ZDHHC3: variants seen among roughly 807,000 people sequenced by gnomAD.
The protein encoded by ZDHHC3 is palmitoyltransferase ZDHHC3.
Under a neutral mutation model 30.6 loss-of-function variants are expected in ZDHHC3, and 9 were observed. The ratio of observed to expected loss-of-function variants is 0.29; its 90% CI spans 0.18 to 0.51. ZDHHC3 has a LOEUF of 0.51. Ranked by LOEUF, ZDHHC3 falls within the 20% of genes least tolerant of loss-of-function variation. ZDHHC3 has a pLI of 0.97. For synonymous variants in ZDHHC3, 136 were observed against 140.2 expected, an observed-to-expected ratio of 0.97 and a Z score of 0.21; for missense variants, 246 against 384.2, an observed-to-expected ratio of 0.64 and a Z score of 3.01.
chr3:44,919,164 A>C lies in ZDHHC3; in HGVS notation c.*7525T>G, dbSNP rs1700422854. Reference sequence around the variant, plus strand: ...CTCATAAGATACTTATCAATTACAAAGGGAAAAACAGTACCTTAATAGCAG... The same window carrying C: ...CTCATAAGATACTTATCAATTACAACGGGAAAAACAGTACCTTAATAGCAG... On this transcript the variant is annotated 3_prime_UTR_variant, in exon 7 of 7. Transcript: ENST00000424952. The C allele has an allele frequency of 1.1e-6, 1 of 921,246 alleles. No individual in the cohort carries two copies. The highest frequency in any genetic ancestry group is 1.3e-6 in the Non-Finnish European group (1 of 772,336). 57.1% of individuals were successfully genotyped at this position (921,246 alleles called of 1,614,324 possible).
rs1387597831 is a variant in ZDHHC3, at chr3:44,925,452, ACCT to A, written c.*1234_*1236del. 1.0e-6 allele frequency: 1 copy of A among 985,314 alleles called. No individual in the cohort carries two copies. The highest frequency in any genetic ancestry group is 1.7e-5 in the African/African-American group (1 of 57,232). The allele number at this position is 985,314 out of a possible 1,614,324, so 61.0% of individuals were successfully genotyped here. A position where few individuals can be genotyped will look rare whatever the true frequency, so the allele number is the denominator to read the frequency against. ...TTTTTGCACTTGGAGGGCACTCCCT[ACCT>A]CCTTCACCTCTATCCACCATCACCA... On this transcript the variant is annotated 3_prime_UTR_variant, in exon 7 of 7. Transcript: ENST00000424952.
At chr3:44,951,377 T>C (rs549703806) in intron 2 of ZDHHC3, among the ~76,000 whole-genome samples, 1 of 152,200 alleles carries the variant, frequency 6.6e-6, no homozygotes, top group Non-Finnish European at 1.5e-5. Context: ...TGTGTGTATT[T>C]AGGGGTGGGG....
chr3:44,939,243 G>A (rs977658672), intron 3 of ZDHHC3, among the ~76,000 whole-genome samples: 13 of 152,226 alleles, frequency 8.5e-5, no homozygotes, highest in African/African-American at 3.1e-4. Context: ...AAGTCCATTA[G>A]CCACTCTGCT....
At chr3:44,951,165 G>A (rs1229653389) in intron 2 of ZDHHC3, among the ~76,000 whole-genome samples, 1 of 152,170 alleles carries the variant, frequency 6.6e-6, no homozygotes, top group African/African-American at 2.4e-5. Context: ...AAAATCTATA[G>A]GCTCATAAAA....
intron 1 of ZDHHC3, among the ~76,000 whole-genome samples, chr3:44,966,769 C>A (rs190679796): frequency 1.6e-4 from 24 of 152,254 alleles, no homozygotes; most frequent in Admixed American, 1.4e-3. Context: ...ATTTTATGCC[C>A]ACTTTTTAGA....
intron 3 of ZDHHC3, among the ~76,000 whole-genome samples, chr3:44,938,808 G>A (rs1349402099): frequency 1.3e-5 from 2 of 152,174 alleles, no homozygotes; most frequent in Non-Finnish European, 2.9e-5. Context: ...GAACCTGGAA[G>A]CAAAGACTAC....
At chr3:44,934,559 C>T (rs192228279) in intron 3 of ZDHHC3, among the ~76,000 whole-genome samples, 124 of 120,858 alleles carry the variant, frequency 1.0e-3, no homozygotes, top group East Asian at 5.0e-3. Flanking sequence ...TCTAAGATGA[C>T]ATCCATTTAG....
chr3:44,951,605 C>T (rs1343081929), intron 2 of ZDHHC3, among the ~76,000 whole-genome samples: 1 of 152,206 alleles, frequency 6.6e-6, no homozygotes, highest in Admixed American at 6.5e-5. Flanking sequence ...TCCTGGCCCT[C>T]AGGGCCCCCA....
In ZDHHC3 at chr3:44,919,798, C is replaced by G; in HGVS notation, c.*6891G>C. The stretch of plus-strand genomic sequence containing the variant: ...ACTGACTGAAAGGTACATGGGAACT[C>G]TTTGTACTGTTTTTGTCACATTTTT... On this transcript the variant is annotated 3_prime_UTR_variant, in exon 7 of 7. Coordinates refer to ENST00000424952, the MANE Select transcript of ZDHHC3 (RefSeq NM_001135179.2). 1.2e-6 allele frequency: 1 copy of G among 845,570 alleles called. No homozygotes were observed. The highest frequency in any genetic ancestry group is 5.4e-5 in the South Asian group (1 of 18,436). The allele number at this position is 845,570 out of a possible 1,614,324, so 52.4% of individuals were successfully genotyped here.
chr3:44,938,930 A>G, intron 3 of ZDHHC3, among the ~76,000 whole-genome samples: 1 of 152,228 alleles, frequency 6.6e-6, no homozygotes, highest in East Asian at 1.9e-4. Context: ...CCGCTGAGCT[A>G]CCTTGGTCAA....
rs141306608 is a variant in ZDHHC3 at position 44,924,899 on chromosome 3, G to A, written c.*1790C>T. On this transcript the variant is annotated 3_prime_UTR_variant, in exon 7 of 7. Transcript: ENST00000424952. ...CGCATGAATAGCACCGTAGACACGA[G>A]GTAAAGTTAACTGACTCAGGAAAGC... 1.0e-6 allele frequency: 1 copy of A among 985,504 alleles called. No homozygotes were observed. Among genetic ancestry groups the A allele is most frequent in the Non-Finnish European group, 1.2e-6 (1 of 829,940 alleles). 61.0% of individuals were successfully genotyped at this position (985,504 alleles called of 1,614,324 possible).
rs1700964824 is a variant in ZDHHC3, at chr3:44,926,096, T to TACA, written c.*590_*592dup. 1.0e-6 allele frequency: 1 copy of TACA among 985,744 alleles called. No homozygotes were observed. Among genetic ancestry groups the TACA allele is most frequent in the East Asian group, 1.1e-4 (1 of 8,828 alleles). 61.1% of individuals were successfully genotyped at this position (985,744 alleles called of 1,614,324 possible). A position where few individuals can be genotyped will look rare whatever the true frequency, so the allele number is the denominator to read the frequency against. On this transcript the variant is annotated 3_prime_UTR_variant, in exon 7 of 7. Coordinates refer to ENST00000424952, the MANE Select transcript of ZDHHC3 (RefSeq NM_001135179.2). ...TTCTACACACCCCAAGCCCATAAAG[T>TACA]ACAAGGCAGGCAATTGCTTTGCGAG...
chr3:44,945,255 A>G lies in ZDHHC3; in HGVS notation c.344T>C (p.Ile115Thr), dbSNP rs1156391490. 1 of 1,614,204 alleles carries G rather than the reference A, an allele frequency of 6.2e-7. No homozygotes were observed. The highest frequency in any genetic ancestry group is 1.7e-5 in the Admixed American group (1 of 60,030). The change falls in exon 3 of 7, where the codon ATC becomes ACC. Residue 115 changes from isoleucine to threonine, a missense_variant. Physicochemically the swap from Ile to Thr is moderately conservative, Grantham distance 89. Transcript: ENST00000424952. ...CCCAGGCTTCAACTGTAAACTCTCG[A>G]TGAATTCTTTAGTGGCATTTCCTTT... ...VPKGNATKEFIESLQLKPGQV... is the reference protein window; with the variant it reads ...VPKGNATKEFTESLQLKPGQV...
intron 1 of ZDHHC3, among the ~76,000 whole-genome samples, chr3:44,973,950 C>A (rs1705638362): frequency 6.6e-6 from 1 of 152,154 alleles, no homozygotes; most frequent in Non-Finnish European, 1.5e-5. Flanking sequence ...CTGTGCCATC[C>A]TTGACTTCTT....
Position 44,959,814 on chromosome 3 carries a change from T to C in ZDHHC3, c.-24-354A>G, listed in dbSNP as rs1302923968. ...CTCTGTCATTCAGGCTGGAGTGCAG[T>C]GGCACCGTCTTAGGTCAATGCAGCC... On this transcript the variant is annotated intron_variant, in intron 1 of 6. Coordinates refer to ENST00000424952, the MANE Select transcript of ZDHHC3 (RefSeq NM_001135179.2). This position sits in a 1 kb window ranked among gnomAD's most constrained non-coding sequence, Gnocchi z 4.3. Among the ~76,000 whole-genome samples, 1 of 152,188 alleles carries C rather than the reference T, an allele frequency of 6.6e-6. No homozygotes were observed. The highest frequency in any genetic ancestry group is 2.4e-5 in the African/African-American group (1 of 41,436).
At chr3:44,953,490 A>G (rs540563018) in intron 2 of ZDHHC3, among the ~76,000 whole-genome samples, 10 of 152,334 alleles carry the variant, frequency 6.6e-5, no homozygotes, top group South Asian at 2.1e-4. Context: ...AGAAATGCCA[A>G]TAATTTCAAG....
rs543784021 is a variant in ZDHHC3, at chr3:44,927,021, T to C, written c.742-174A>G. ...TGTTACTAAAAAAATTTCTCCTTTT[T>C]TTGGTGGGCACTCATTCACAAGTCC... is the stretch of plus-strand genomic sequence containing the variant. On this transcript the variant is annotated intron_variant, in intron 6 of 6. Transcript: ENST00000424952. Among the ~76,000 whole-genome samples, 28 of 152,334 alleles carry C rather than the reference T, an allele frequency of 1.8e-4. 1 individual carries two copies. Among genetic ancestry groups the C allele is most frequent in the Middle Eastern group, 3.4e-3 (1 of 294 alleles).
Position 44,920,403 on chromosome 3 carries a change from C to T in ZDHHC3, c.*6286G>A. 2 of 1,276,508 alleles carry T rather than the reference C, an allele frequency of 1.6e-6. No homozygotes were observed. The highest frequency in any genetic ancestry group is 1.5e-5 in the African/African-American group (1 of 65,772). The allele number at this position is 1,276,508 out of a possible 1,614,324, so 79.1% of individuals were successfully genotyped here. A position where few individuals can be genotyped will look rare whatever the true frequency, so the allele number is the denominator to read the frequency against. ...GGACATCACCATATGGCAGACCCGG[C>T]TACAGAGGAAACACCCAAAAATGAC... On this transcript the variant is annotated 3_prime_UTR_variant, in exon 7 of 7. Coordinates refer to ENST00000424952, the MANE Select transcript of ZDHHC3 (RefSeq NM_001135179.2).
intron 1 of ZDHHC3, among the ~76,000 whole-genome samples, chr3:44,967,092 T>C (rs1403604422): frequency 6.7e-6 from 1 of 149,700 alleles, no homozygotes; most frequent in African/African-American, 2.5e-5. Context: ...AAAAAACAAA[T>C]GGAAAAAAAA....
Sources: allele counts gnomAD v4.1 joint callset (sites outside exome capture counted in the v4.1 genomes callset), GRCh38; gene constraint gnomAD v4.1.1; non-coding constraint Gnocchi (gnomAD v3.1); transcripts MANE v1.5; gene names NCBI Gene and HGNC (gene_info 2026-07-23, HGNC 2026-07-21).